Variants in CCDC171 observed in about 807,000 individuals in gnomAD.
The protein encoded by CCDC171 is coiled-coil domain containing 171.
Under a neutral mutation model 168.2 loss-of-function variants are expected in CCDC171, and 177 were observed. The observed-to-expected ratio is 1.05, with a 90% confidence interval of 0.93 to 1.19. CCDC171 has a LOEUF of 1.19. Among genes scored for constraint, CCDC171 ranks in the 50% most tolerant of loss-of-function variants. The pLI, the probability that CCDC171 is intolerant of heterozygous loss-of-function variation, is 0.00. For synonymous variants in CCDC171, 687 were observed against 540.8 expected (o/e 1.27, Z -3.75); for missense variants, 1,991 against 1,539.0 (o/e 1.29, Z -4.91).
chr9:15,617,689 C>CTCGATG (rs1564060505), intron 6 of CCDC171, among the ~76,000 whole-genome samples: 1 of 151,868 alleles, frequency 6.6e-6, no homozygotes, highest in East Asian at 1.9e-4. Context: ...GGGGGGGGTT[C>CTCGATG]TTGATGTTGA....
chr9:15,744,685 G>A lies in CCDC171; in HGVS notation c.2462G>A (p.Cys821Tyr), dbSNP rs34816651. The change falls in exon 17 of 26, where the codon TGT becomes TAT. Residue 821 changes from cysteine to tyrosine, a missense_variant. Physicochemically the swap from Cys to Tyr is radical, Grantham distance 194 (BLOSUM62 -2). Transcript: ENST00000380701. ...ANRLKILGQS[C>Y]ASLFTWMESF... ...AGACTCAAGATTTTGGGCCAATCATGTGCCTCTCTTTTTACCTGGATGGAG... is the reference window on the plus strand; with the variant it reads ...AGACTCAAGATTTTGGGCCAATCATATGCCTCTCTTTTTACCTGGATGGAG... 0.023 allele frequency: 37,128 copies of A among 1,614,090 alleles called. 1,734 individuals carry two copies. The highest frequency in any genetic ancestry group is 0.12 in the East Asian group (5,248 of 44,864).
chr9:15,867,442 A>G (rs1026883162), intron 23 of CCDC171, among the ~76,000 whole-genome samples: 2 of 151,996 alleles, frequency 1.3e-5, no homozygotes, highest in African/African-American at 4.8e-5. Context: ...GTGGCTTGTC[A>G]ATGACTCTCT....
At chr9:15,882,649 G>A (rs1369857465) in intron 24 of CCDC171, among the ~76,000 whole-genome samples, 1 of 152,024 alleles carries the variant, frequency 6.6e-6, no homozygotes, top group African/African-American at 2.4e-5. Context: ...GTCGGTTATA[G>A]TCATTGTGAG....
chr9:16,000,191 A>G (rs543401215), intron 3 of CCDC171, among the ~76,000 whole-genome samples: 2 of 152,336 alleles, frequency 1.3e-5, no homozygotes, highest in African/African-American at 4.8e-5. Context: ...AATCCAAAAC[A>G]TGCACACACA....
the CCDC171 span, among the ~76,000 whole-genome samples, chr9:16,105,404 T>A: frequency 6.6e-6 from 1 of 152,146 alleles, no homozygotes; most frequent in African/African-American, 2.4e-5. Context: ...ATGTGTCACT[T>A]GGCTGGCCTG....
At chr9:15,680,651 A>G (rs1295003481) in intron 10 of CCDC171, among the ~76,000 whole-genome samples, 9 of 152,146 alleles carry the variant, frequency 5.9e-5, no homozygotes, top group Non-Finnish European at 1.2e-4. Context: ...GGTATTTTGA[A>G]TGTGATGTTT....
intron 21 of CCDC171, among the ~76,000 whole-genome samples, chr9:15,806,243 A>G (rs547893203): frequency 5.3e-5 from 8 of 152,198 alleles, no homozygotes; most frequent in Admixed American, 5.2e-4. Flanking sequence ...ACTTAAGGTT[A>G]GTATTGTTAT....
At position 15,623,518 on chromosome 9, in the gene CCDC171, T is replaced by G. The variant is rs75366420; in HGVS notation, c.822+105T>G. On this transcript the variant is annotated intron_variant, in intron 7 of 25. Transcript: ENST00000380701. Reference sequence around the variant, plus strand: ...ACACACACACACACATAAAACCCATTCCGTGATTTAAGATTGGAGAGTTTT... The same window carrying G: ...ACACACACACACACATAAAACCCATGCCGTGATTTAAGATTGGAGAGTTTT... 2,621 of 431,918 alleles carry G rather than the reference T, an allele frequency of 6.1e-3. 81 individuals are homozygous for G. The African/African-American group carries it at 0.07, about 12-fold the overall frequency. 26.8% of individuals were successfully genotyped at this position (431,918 alleles called of 1,614,324 possible). A position where few individuals can be genotyped will look rare whatever the true frequency, so the allele number is the denominator to read the frequency against.
intron 6 of CCDC171, among the ~76,000 whole-genome samples, chr9:15,615,701 G>T (rs1032086013): frequency 6.6e-5 from 10 of 151,354 alleles, no homozygotes; most frequent in African/African-American, 2.4e-4. Flanking sequence ...CATACTCTTT[G>T]TTTATTGCAA....
chr9:15,650,639 G>A (rs180899822), intron 7 of CCDC171, among the ~76,000 whole-genome samples: 7 of 152,120 alleles, frequency 4.6e-5, no homozygotes, highest in Admixed American at 3.3e-4. Context: ...TATATGATTT[G>A]TAAGTATTTT....
chr9:15,688,685 T>A (rs538774586), intron 10 of CCDC171, among the ~76,000 whole-genome samples: 19 of 152,216 alleles, frequency 1.2e-4, no homozygotes, highest in African/African-American at 4.6e-4. Context: ...AAACTAAGAA[T>A]ACAAGGAAGC....
chr9:15,618,790 T>G (rs528323992), intron 6 of CCDC171, among the ~76,000 whole-genome samples: 34 of 151,866 alleles, frequency 2.2e-4, no homozygotes, highest in African/African-American at 6.5e-4. Flanking sequence ...ACTTCCAGGG[T>G]GAAGTGACGC....
In CCDC171 at chr9:15,727,840, A is replaced by T. The variant is rs374483388; in HGVS notation, c.1693-29A>T. On this transcript the variant is annotated intron_variant, in intron 14 of 25. Transcript: ENST00000380701. Reference sequence around the variant, plus strand: ...ACTTCTTACAATGTTTATATACAGCAATTAATTTTTCTTTTTTTTTTCCTG... The same window carrying T: ...ACTTCTTACAATGTTTATATACAGCTATTAATTTTTCTTTTTTTTTTCCTG... 6.5e-5 allele frequency: 102 copies of T among 1,577,936 alleles called. 1 individual carries two copies. In the African/African-American group the frequency reaches 1.3e-3, roughly 20 times the overall value.
intron 25 of CCDC171, among the ~76,000 whole-genome samples, chr9:15,929,662 T>C (rs897545548): frequency 6.6e-5 from 10 of 151,964 alleles, no homozygotes; most frequent in African/African-American, 2.2e-4. Context: ...ACCATTTCCC[T>C]GGGCTATTGC....
chr9:15,880,368 A>G (rs997176302), intron 24 of CCDC171, among the ~76,000 whole-genome samples: 2 of 152,140 alleles, frequency 1.3e-5, no homozygotes, highest in Non-Finnish European at 2.9e-5. Flanking sequence ...GTATATTTAC[A>G]TGGTACAGAG....
chr9:15,793,564 T>TG (rs1162553228), intron 21 of CCDC171, among the ~76,000 whole-genome samples: 5 of 129,066 alleles, frequency 3.9e-5, no homozygotes, highest in Admixed American at 7.6e-5. Flanking sequence ...TTTTTTTTTT[T>TG]TTTTTTTTTT....
chr9:15,873,394 G>C (rs1207082249), intron 23 of CCDC171, among the ~76,000 whole-genome samples: 2 of 152,048 alleles, frequency 1.3e-5, no homozygotes, highest in Non-Finnish European at 2.9e-5. Flanking sequence ...ACTAGAGATA[G>C]AAATATATTT....
intron 13 of CCDC171, among the ~76,000 whole-genome samples, chr9:15,724,162 G>A (rs2053658767): frequency 6.6e-6 from 1 of 152,164 alleles, no homozygotes; most frequent in Non-Finnish European, 1.5e-5. Flanking sequence ...GACCACACCT[G>A]GCTAAGGCCC....
At chr9:15,678,071 G>A (rs2049765724) in intron 9 of CCDC171, among the ~76,000 whole-genome samples, 3 of 149,706 alleles carry the variant, frequency 2.0e-5, no homozygotes, top group Admixed American at 6.7e-5. Context: ...CACTGTGCTC[G>A]GCTGATATTT....
Sources: gnomAD v4.1 joint callset for allele counts (sites outside exome capture counted in the v4.1 genomes callset) on GRCh38, gnomAD v4.1.1 for gene constraint, MANE v1.5 for transcripts, NCBI Gene and HGNC (gene_info 2026-07-23, HGNC 2026-07-21) for gene names.